The following DLG2 variants were observed in gnomAD, a reference collection of about 807,000 sequenced individuals.
DLG2 encodes discs large MAGUK scaffold protein 2, also known as disks large homolog 2.
A neutral mutation model predicts 132.5 loss-of-function variants in DLG2; 45 were observed. The observed-to-expected ratio is 0.34, with a 90% CI of 0.27 to 0.44. The LOEUF is 0.44. DLG2 is among the 20% of genes least tolerant of loss of function. The probability of loss-of-function intolerance (pLI) is 1.00; values close to 1 mark genes in which losing one functional copy is unlikely to be tolerated. For missense variants in DLG2, 1,045 were observed against 1,196.9 expected, an observed-to-expected ratio of 0.87 and a Z score of 1.87; for synonymous variants, 424 against 419.6, an observed-to-expected ratio of 1.01 and a Z score of -0.13.
chr11:83,686,308 A>G (rs530301863), intron 18 of DLG2, among the ~76,000 whole-genome samples: 1 of 152,260 alleles, frequency 6.6e-6, no homozygotes, highest in East Asian at 1.9e-4. Context: ...ATAGAACAGC[A>G]TCCTCTATTC....
chr11:84,993,268 G>T (rs559921961), intron 6 of DLG2, among the ~76,000 whole-genome samples: 7 of 152,154 alleles, frequency 4.6e-5, no homozygotes, highest in Non-Finnish European at 7.4e-5. Context: ...GTCGGAGGGT[G>T]GGGGGCAAGG....
chr11:85,550,055 T>A (rs1471665631), intron 3 of DLG2, among the ~76,000 whole-genome samples: 1 of 152,240 alleles, frequency 6.6e-6, no homozygotes, highest in East Asian at 1.9e-4. Flanking sequence ...TTTTATTCCC[T>A]TACTTTCTTA....
At chr11:84,715,485 T>C (rs947813321) in intron 6 of DLG2, among the ~76,000 whole-genome samples, 1 of 152,106 alleles carries the variant, frequency 6.6e-6, no homozygotes, top group East Asian at 1.9e-4. Context: ...CTAGGTTTAT[T>C]CATTCCACAT....
At chr11:84,821,398 G>A (rs1461661095) in intron 6 of DLG2, among the ~76,000 whole-genome samples, 1 of 151,662 alleles carries the variant, frequency 6.6e-6, no homozygotes, top group East Asian at 1.9e-4. Context: ...TAGAGTAGAA[G>A]AAGCCATATA....
chr11:85,343,676 A>G (rs2082649442), intron 3 of DLG2, among the ~76,000 whole-genome samples: 1 of 152,072 alleles, frequency 6.6e-6, no homozygotes, highest in African/African-American at 2.4e-5. Flanking sequence ...ACACACACAC[A>G]CACATATACA....
chr11:83,820,587 G>A (rs959542338), intron 17 of DLG2, among the ~76,000 whole-genome samples: 7 of 152,108 alleles, frequency 4.6e-5, no homozygotes, highest in Non-Finnish European at 1.0e-4. Flanking sequence ...CATCTTTTAT[G>A]GCTTTCAGGG....
intron 4 of DLG2, 57 bp from the exon 5 acceptor site, chr11:85,154,708 G>T: frequency 1.2e-6 from 1 of 837,040 alleles, no homozygotes; most frequent in Non-Finnish European, 1.9e-6. Flanking sequence ...AATGTATATT[G>T]TTTTCAAACT....
intron 7 of DLG2, among the ~76,000 whole-genome samples, chr11:84,509,221 A>G (rs2099250605): frequency 6.6e-6 from 1 of 152,208 alleles, no homozygotes. Context: ...AATTCTGGAA[A>G]ATGTCTCCTT....
At chr11:83,683,103 G>A (rs1253145631) in intron 18 of DLG2, among the ~76,000 whole-genome samples, 15 of 152,196 alleles carry the variant, frequency 9.9e-5, no homozygotes, top group Non-Finnish European at 1.9e-4. Context: ...GGGGAGCAGT[G>A]CCTGAGCTTT....
At chr11:85,161,315 T>C (rs551271112) in intron 4 of DLG2, among the ~76,000 whole-genome samples, 33 of 152,290 alleles carry the variant, frequency 2.2e-4, no homozygotes, top group Non-Finnish European at 3.8e-4. Flanking sequence ...AGGTTATACA[T>C]GGGCTCAGCA....
intron 4 of DLG2, among the ~76,000 whole-genome samples, chr11:85,159,443 C>G (rs949079290): frequency 1.3e-5 from 2 of 152,198 alleles, no homozygotes; most frequent in Non-Finnish European, 2.9e-5. Flanking sequence ...AACAGTAAAT[C>G]AAAAACAATA....
intron 6 of DLG2, among the ~76,000 whole-genome samples, chr11:84,865,868 AG>A (rs1399528540): frequency 1.3e-5 from 2 of 152,226 alleles, no homozygotes; most frequent in Admixed American, 6.5e-5. Flanking sequence ...CAGAATCTCC[AG>A]GGTAAAAGAA....
intron 6 of DLG2, among the ~76,000 whole-genome samples, chr11:84,942,841 T>A (rs906233609): frequency 1.3e-5 from 2 of 152,210 alleles, no homozygotes; most frequent in African/African-American, 4.8e-5. Flanking sequence ...GCTATTACTG[T>A]ATTGAGATTT....
At chr11:84,003,340 T>G (rs2094440408) in intron 11 of DLG2, among the ~76,000 whole-genome samples, 1 of 152,124 alleles carries the variant, frequency 6.6e-6, no homozygotes, top group Non-Finnish European at 1.5e-5. Context: ...GAAAGCTGCT[T>G]TTACATTTTT....
At chr11:84,892,145 G>A (rs2089496625) in intron 6 of DLG2, among the ~76,000 whole-genome samples, 1 of 152,026 alleles carries the variant, frequency 6.6e-6, no homozygotes, top group Admixed American at 6.6e-5. Context: ...AATGAGAAAG[G>A]GACCTAAATA....
At chr11:83,911,668 T>C (rs2076076415) in intron 15 of DLG2, among the ~76,000 whole-genome samples, 1 of 152,072 alleles carries the variant, frequency 6.6e-6, no homozygotes, top group African/African-American at 2.4e-5. Context: ...CATTTAATAA[T>C]ATGGAGTTAT....
chr11:85,523,124 G>C (rs1221408834), intron 3 of DLG2, among the ~76,000 whole-genome samples: 5 of 152,104 alleles, frequency 3.3e-5, no homozygotes, highest in South Asian at 2.1e-4. Flanking sequence ...TGAATCATGG[G>C]GGAAGTTCTC....
chr11:84,528,621 G>A (rs903338302), intron 7 of DLG2, among the ~76,000 whole-genome samples: 2 of 152,150 alleles, frequency 1.3e-5, no homozygotes, highest in African/African-American at 2.4e-5. Context: ...GTAGGATTCT[G>A]GGGGAAGCAT....
intron 6 of DLG2, among the ~76,000 whole-genome samples, chr11:85,019,855 T>A (rs181205842): frequency 1.3e-5 from 2 of 152,362 alleles, no homozygotes; most frequent in Non-Finnish European, 2.9e-5. Flanking sequence ...ATTGTCTTAA[T>A]CCAGTCTCTC....
Sources: allele counts gnomAD v4.1 joint callset (sites outside exome capture counted in the v4.1 genomes callset), GRCh38; gene constraint gnomAD v4.1.1; transcripts MANE v1.5; gene names NCBI Gene and HGNC (gene_info 2026-07-23, HGNC 2026-07-21).